Variants in SDK1 observed in about 807,000 individuals in gnomAD.
SDK1 encodes protein sidekick-1.
A neutral mutation model predicts 245.5 loss-of-function variants in SDK1; 157 were observed. The observed-to-expected ratio is 0.64, with a 90% CI of 0.56 to 0.73. The LOEUF (loss-of-function observed/expected upper bound fraction) is 0.73. Among genes scored for constraint, SDK1 ranks in the 30% least tolerant of loss-of-function variants. The pLI is 0.00. For synonymous variants in SDK1, 1,647 were observed against 1,278.5 expected (o/e 1.29, Z -6.15); for missense variants, 3,583 against 3,002.3 (o/e 1.19, Z -4.52).
chr7:3,514,218 G>T (rs1482757467), intron 1 of SDK1, among the ~76,000 whole-genome samples: 1 of 152,184 alleles, frequency 6.6e-6, no homozygotes, highest in African/African-American at 2.4e-5. Flanking sequence ...TGATTTTTGT[G>T]TATAGGAGAT....
At chr7:3,757,322 C>T (rs1434006120) in intron 4 of SDK1, among the ~76,000 whole-genome samples, 2 of 152,172 alleles carry the variant, frequency 1.3e-5, no homozygotes, top group Non-Finnish European at 2.9e-5. Context: ...TGTCACTCAA[C>T]TCCTGGTCTC....
chr7:3,620,870 A>G (rs1326758637), intron 2 of SDK1, among the ~76,000 whole-genome samples: 1 of 130,406 alleles, frequency 7.7e-6, no homozygotes, highest in Non-Finnish European at 1.7e-5. Flanking sequence ...GTGACTGCTT[A>G]CATTATTGGG....
chr7:3,600,686 C>A (rs1254564093), intron 1 of SDK1, among the ~76,000 whole-genome samples: 1 of 150,900 alleles, frequency 6.6e-6, no homozygotes, highest in Non-Finnish European at 1.5e-5. Flanking sequence ...GTAGCTGGGA[C>A]TACAGGCACC....
chr7:3,542,308 T>C (rs1779075872), intron 1 of SDK1, among the ~76,000 whole-genome samples: 1 of 152,190 alleles, frequency 6.6e-6, no homozygotes, highest in African/African-American at 2.4e-5. Context: ...ATAATTTTTC[T>C]CCCCAACAGC....
At chr7:3,661,446 C>T (rs1041781883) in intron 4 of SDK1, among the ~76,000 whole-genome samples, 1 of 152,138 alleles carries the variant, frequency 6.6e-6, no homozygotes, top group Non-Finnish European at 1.5e-5. Context: ...AGTGGAATGT[C>T]TAGTTGTGTA....
chr7:3,539,638 G>A (rs1016849346), intron 1 of SDK1, among the ~76,000 whole-genome samples: 3 of 152,194 alleles, frequency 2.0e-5, no homozygotes, highest in African/African-American at 7.2e-5. Flanking sequence ...GACATAATTC[G>A]TGATGTGTAA....
rs148604085 is a variant in SDK1, at chr7:3,929,338, C to G, written c.848-21585C>G. ...CAGCTGTAATCTGCCAGCTTGAACA[C>G]GATTGATCTTCATGCACCAGGCACT... On this transcript the variant is annotated intron_variant, in intron 5 of 44. Coordinates refer to ENST00000404826, the MANE Select transcript of SDK1 (RefSeq NM_152744.4). Among the ~76,000 whole-genome samples, 16 of 152,350 alleles carry G rather than the reference C, an allele frequency of 1.1e-4. No individual in the cohort carries two copies. In the East Asian group the frequency reaches 3.1e-3, roughly 29 times the overall value.
chr7:3,709,305 T>A (rs1040268535), intron 4 of SDK1, among the ~76,000 whole-genome samples: 1 of 152,236 alleles, frequency 6.6e-6, no homozygotes, highest in East Asian at 1.9e-4. Flanking sequence ...TCCTGAGAAG[T>A]CTGCTGATAG....
At chr7:4,254,895 A>C (rs1356463531) in intron 44 of SDK1, among the ~76,000 whole-genome samples, 2 of 151,260 alleles carry the variant, frequency 1.3e-5, no homozygotes, top group African/African-American at 4.9e-5. Context: ...CTGTGGTTTT[A>C]GCTGGGCTCC....
At chr7:3,652,069 G>A (rs1431509805) in intron 4 of SDK1, among the ~76,000 whole-genome samples, 1 of 152,190 alleles carries the variant, frequency 6.6e-6, no homozygotes, top group African/African-American at 2.4e-5. Flanking sequence ...TCCGTTTTAT[G>A]TTCTCTAGTT....
chr7:3,830,724 C>T (rs1284338945), intron 5 of SDK1, among the ~76,000 whole-genome samples: 1 of 152,110 alleles, frequency 6.6e-6, no homozygotes, highest in South Asian at 2.1e-4. Context: ...GTCTTGAACT[C>T]GGGCTCAAAC....
intron 1 of SDK1, among the ~76,000 whole-genome samples, chr7:3,616,554 A>G (rs1054687343): frequency 2.0e-4 from 30 of 152,150 alleles, no homozygotes; most frequent in Non-Finnish European, 2.9e-5. Context: ...CCTGCATTTC[A>G]TCTCATCGAC....
chr7:3,486,622 A>C (rs1583933065), intron 1 of SDK1, among the ~76,000 whole-genome samples: 1 of 152,050 alleles, frequency 6.6e-6, no homozygotes, highest in East Asian at 1.9e-4. Flanking sequence ...GTATGATGAA[A>C]ATGGAAATTT....
chr7:3,458,978 A>C (rs1780753477), intron 1 of SDK1, among the ~76,000 whole-genome samples: 1 of 152,074 alleles, frequency 6.6e-6, no homozygotes, highest in Non-Finnish European at 1.5e-5. Flanking sequence ...GTTTCCATGT[A>C]AAGTTTCCAT....
chr7:3,313,967 A>G (rs764155703), intron 1 of SDK1, among the ~76,000 whole-genome samples: 1 of 152,206 alleles, frequency 6.6e-6, no homozygotes, highest in African/African-American at 2.4e-5. Context: ...TAATTCATCT[A>G]ATGCCTCAGT....
At chr7:3,737,750 G>C (rs1360778560) in intron 4 of SDK1, among the ~76,000 whole-genome samples, 3 of 152,192 alleles carry the variant, frequency 2.0e-5, no homozygotes, top group Non-Finnish European at 2.9e-5. Context: ...ACAGAAGGAG[G>C]CATCCTGGGA....
chr7:3,568,073 AGC>A (rs1779984812), intron 1 of SDK1, among the ~76,000 whole-genome samples: 1 of 152,110 alleles, frequency 6.6e-6, no homozygotes, highest in East Asian at 1.9e-4. Flanking sequence ...CTCCCACCTT[AGC>A]CTCACAAAGT....
chr7:3,579,507 G>A (rs916686926), intron 1 of SDK1, among the ~76,000 whole-genome samples: 1 of 152,150 alleles, frequency 6.6e-6, no homozygotes, highest in Admixed American at 6.5e-5. Flanking sequence ...AATAAACTAC[G>A]TGTTGAAGGA....
At position 3,469,068 on chromosome 7, in the gene SDK1, T is replaced by G. The variant is rs908336253; in HGVS notation, c.299-150012T>G. Among the ~76,000 whole-genome samples, 8 of 152,188 alleles carry G rather than the reference T, an allele frequency of 5.3e-5. 1 individual carries two copies. The highest frequency in any genetic ancestry group is 2.6e-4 in the Admixed American group (4 of 15,280). ...GTCATTATGTACTGGCTGATTTTATTTATTTATTTTTAGAGACCAGAGTCT... is the reference window on the plus strand; with the variant it reads ...GTCATTATGTACTGGCTGATTTTATGTATTTATTTTTAGAGACCAGAGTCT... On this transcript the variant is annotated intron_variant, in intron 1 of 44. Transcript: ENST00000404826.
Sources: gnomAD v4.1 joint callset for allele counts (sites outside exome capture counted in the v4.1 genomes callset) on GRCh38, gnomAD v4.1.1 for gene constraint, MANE v1.5 for transcripts, NCBI Gene and HGNC (gene_info 2026-07-23, HGNC 2026-07-21) for gene names.